SLC9A9: variants seen among roughly 807,000 people sequenced by gnomAD.
SLC9A9 encodes the protein sodium/hydrogen exchanger 9.
A neutral mutation model predicts 77.8 loss-of-function variants in SLC9A9; 62 were observed. That is an observed-to-expected ratio of 0.80 (90% CI 0.65 to 0.98). The LOEUF (loss-of-function observed/expected upper bound fraction) is 0.98. Among genes scored for constraint, SLC9A9 ranks in the 50% least tolerant of loss-of-function variants. The pLI, the probability that SLC9A9 is intolerant of heterozygous loss-of-function variation, is 0.00. For synonymous variants in SLC9A9, 320 were observed against 283.5 expected (o/e 1.13, Z -1.29); for missense variants, 775 against 774.9 (o/e 1.00, Z 0.00).
chr3:143,283,888 T>C (rs1015417211), intron 14 of SLC9A9, among the ~76,000 whole-genome samples: 1 of 152,180 alleles, frequency 6.6e-6, no homozygotes, highest in African/African-American at 2.4e-5. Flanking sequence ...CCACTCAAGT[T>C]TTATTGGCAC....
At chr3:143,828,706 G>C (rs775759083) in intron 2 of SLC9A9, among the ~76,000 whole-genome samples, 5 of 152,088 alleles carry the variant, frequency 3.3e-5, no homozygotes, top group Admixed American at 6.5e-5. Context: ...ATATTCAAAG[G>C]GTAGACGTGA....
intron 14 of SLC9A9, among the ~76,000 whole-genome samples, chr3:143,296,870 T>G (rs2030294570): frequency 6.6e-6 from 1 of 152,180 alleles, no homozygotes; most frequent in Non-Finnish European, 1.5e-5. Context: ...CATTTTTAAA[T>G]TGGGTGTTTT....
chr3:143,327,993 T>C (rs1397007862), intron 14 of SLC9A9, among the ~76,000 whole-genome samples: 1 of 152,240 alleles, frequency 6.6e-6, no homozygotes. Flanking sequence ...TTTTTCTATA[T>C]GGACATTTTT....
chr3:143,753,761 G>C lies in SLC9A9; in HGVS notation c.533+41240C>G, dbSNP rs372729402. The stretch of plus-strand genomic sequence containing the variant: ...AGCCCTAGCCTTTCTGGGATCACAT[G>C]CATTACCAGTGCTTCCCAGAGGGAT... On this transcript the variant is annotated intron_variant, in intron 4 of 15. Coordinates refer to ENST00000316549, the MANE Select transcript of SLC9A9 (RefSeq NM_173653.4). Among the ~76,000 whole-genome samples, 5 of 152,162 alleles carry C rather than the reference G, an allele frequency of 3.3e-5. No individual in the cohort carries two copies. The East Asian group carries it at 9.6e-4, about 29-fold the overall frequency.
chr3:143,504,134 A>G, intron 9 of SLC9A9: 1 of 449,112 alleles, frequency 2.2e-6, no homozygotes, highest in Non-Finnish European at 4.3e-6. Flanking sequence ...TCATACTGAA[A>G]CATGTAGGCC....
chr3:143,340,340 A>G (rs2032058130), intron 14 of SLC9A9, among the ~76,000 whole-genome samples: 1 of 152,228 alleles, frequency 6.6e-6, no homozygotes, highest in East Asian at 1.9e-4. Flanking sequence ...ACAGGAATAC[A>G]TTCGGGATTT....
chr3:143,780,470 A>G (rs1576721216), intron 4 of SLC9A9, among the ~76,000 whole-genome samples: 2 of 152,252 alleles, frequency 1.3e-5, no homozygotes, highest in East Asian at 3.8e-4. Flanking sequence ...AGGATCACTC[A>G]TTAAAAGTTT....
At chr3:143,842,641 A>G (rs936328858) in intron 1 of SLC9A9, among the ~76,000 whole-genome samples, 3 of 152,230 alleles carry the variant, frequency 2.0e-5, no homozygotes, top group African/African-American at 7.2e-5. Flanking sequence ...TCTTGTTTTC[A>G]TAAAAAATGC....
At chr3:143,302,267 CA>C (rs1406851314) in intron 14 of SLC9A9, among the ~76,000 whole-genome samples, 2 of 152,112 alleles carry the variant, frequency 1.3e-5, no homozygotes, top group African/African-American at 2.4e-5. Flanking sequence ...TATATACAGG[CA>C]ATAGGCTTAT....
chr3:143,390,381 C>A (rs1576465340), intron 12 of SLC9A9, among the ~76,000 whole-genome samples: 1 of 152,356 alleles, frequency 6.6e-6, no homozygotes, highest in African/African-American at 2.4e-5. Context: ...GGGCAGGAAA[C>A]TGTACCTCGG....
At chr3:143,619,855 T>A (rs1256341507) in intron 6 of SLC9A9, among the ~76,000 whole-genome samples, 1 of 152,226 alleles carries the variant, frequency 6.6e-6, no homozygotes, top group Non-Finnish European at 1.5e-5. Flanking sequence ...GTTTTACAGT[T>A]TACAAAGAGC....
chr3:143,560,919 G>A lies in SLC9A9; in HGVS notation c.1001-8469C>T, dbSNP rs561981455. Among the ~76,000 whole-genome samples the A allele has an allele frequency of 6.6e-5, 10 of 152,296 alleles. No homozygotes were observed. In the South Asian group the frequency reaches 1.7e-3, roughly 25 times the overall value. On this transcript the variant is annotated intron_variant, in intron 8 of 15. Transcript: ENST00000316549. ...GTTGAGGCCAAACGCGGTGGCTCACGCCTGTAATCCCAGCACTTTGGGAGG... is the reference window on the plus strand; with the variant it reads ...GTTGAGGCCAAACGCGGTGGCTCACACCTGTAATCCCAGCACTTTGGGAGG...
chr3:143,661,542 C>T (rs574763559), intron 5 of SLC9A9, among the ~76,000 whole-genome samples: 1 of 152,262 alleles, frequency 6.6e-6, no homozygotes, highest in Admixed American at 6.5e-5. Context: ...TTTCCTTCAA[C>T]ACCTCCAGAT....
chr3:143,795,086 A>G lies in SLC9A9; in HGVS notation c.457-9T>C, dbSNP rs762601525. On this transcript the variant is annotated splice_polypyrimidine_tract_variant and intron_variant, in intron 3 of 15. Transcript: ENST00000316549. Reference sequence around the variant, plus strand: ...TTTTGAAAAAAGTGTCTCTGGGGAGAAAAAAAGATATTTAATAGAGTACAT... The same window carrying G: ...TTTTGAAAAAAGTGTCTCTGGGGAGGAAAAAAGATATTTAATAGAGTACAT... 3.7e-6 allele frequency: 6 copies of G among 1,607,984 alleles called. No individual in the cohort carries two copies. Among genetic ancestry groups the G allele is most frequent in the African/African-American group, 2.7e-5 (2 of 74,724 alleles).
intron 6 of SLC9A9, among the ~76,000 whole-genome samples, chr3:143,621,814 C>G (rs944251831): frequency 1.3e-5 from 2 of 151,846 alleles, no homozygotes; most frequent in Non-Finnish European, 2.9e-5. Context: ...ATCAAACTAC[C>G]CTGAGCTAAA....
intron 6 of SLC9A9, among the ~76,000 whole-genome samples, chr3:143,646,521 C>T (rs1041021366): frequency 6.6e-6 from 1 of 150,844 alleles, no homozygotes; most frequent in African/African-American, 2.4e-5. Flanking sequence ...AATATCTTTT[C>T]CCATCAATAT....
chr3:143,827,944 C>A (rs953913662), intron 2 of SLC9A9, among the ~76,000 whole-genome samples: 3 of 152,192 alleles, frequency 2.0e-5, no homozygotes, highest in African/African-American at 7.2e-5. Flanking sequence ...TAGCACTGGT[C>A]ATCTCCTTCT....
intron 14 of SLC9A9, among the ~76,000 whole-genome samples, chr3:143,275,868 TA>T (rs1938031962): frequency 6.6e-6 from 1 of 152,238 alleles, no homozygotes; most frequent in South Asian, 2.1e-4. Context: ...TCGTTTCTAT[TA>T]TTCACTTTTA....
At chr3:143,609,103 G>A (rs896487208) in intron 6 of SLC9A9, among the ~76,000 whole-genome samples, 1 of 152,162 alleles carries the variant, frequency 6.6e-6, no homozygotes, top group African/African-American at 2.4e-5. Flanking sequence ...TTGAAGATGA[G>A]TCTATTCTCC....
Sources: allele counts gnomAD v4.1 joint callset (sites outside exome capture counted in the v4.1 genomes callset), GRCh38; gene constraint gnomAD v4.1.1; transcripts MANE v1.5; gene names NCBI Gene and HGNC (gene_info 2026-07-23, HGNC 2026-07-21).